ARNT2: variants seen among roughly 807,000 people sequenced by gnomAD.
ARNT2 encodes ARNT protein 2.
In ARNT2, 36 loss-of-function variants were observed where a neutral mutation model predicts 91.7. The observed-to-expected ratio is 0.39, with a 90% CI of 0.30 to 0.52. The LOEUF (loss-of-function observed/expected upper bound fraction) is 0.52, where lower values mean the gene tolerates loss of function less well. ARNT2 is among the 20% of genes least tolerant of loss of function. The pLI is 0.72. For missense variants in ARNT2, 775 were observed against 939.3 expected (o/e 0.83, Z 2.29); for synonymous variants, 365 against 347.1 (o/e 1.05, Z -0.57).
chr15:80,569,532 A>G (rs1313035229), intron 12 of ARNT2, among the ~76,000 whole-genome samples: 1 of 152,156 alleles, frequency 6.6e-6, no homozygotes, highest in African/African-American at 2.4e-5. Context: ...TCTTCCACAC[A>G]TGCTCAGCTA....
intron 1 of ARNT2, among the ~76,000 whole-genome samples, chr15:80,428,229 A>G (rs1212813237): frequency 1.3e-5 from 2 of 152,272 alleles, no homozygotes; most frequent in African/African-American, 2.4e-5. Flanking sequence ...ATGTCGATGC[A>G]CAGACCCAAA....
chr15:80,437,237 C>A (rs998876054), intron 1 of ARNT2, among the ~76,000 whole-genome samples: 1 of 152,192 alleles, frequency 6.6e-6, no homozygotes. Flanking sequence ...AGGAACTGCA[C>A]GCTCGTCAGG....
At chr15:80,567,551 G>C (rs146807424) in intron 12 of ARNT2, among the ~76,000 whole-genome samples, 1,660 of 152,308 alleles carry the variant, frequency 0.011, 33 homozygotes, top group African/African-American at 0.038. Context: ...ATCCCCAGGA[G>C]GTAGCACTGC....
At chr15:80,464,256 A>G (rs1896613752) in intron 3 of ARNT2, among the ~76,000 whole-genome samples, 1 of 149,958 alleles carries the variant, frequency 6.7e-6, no homozygotes, top group South Asian at 2.1e-4. Flanking sequence ...CTGGTAAGTC[A>G]GTGTGACCCT....
chr15:80,504,056 G>A (rs774152490), intron 5 of ARNT2, among the ~76,000 whole-genome samples: 3 of 152,186 alleles, frequency 2.0e-5, no homozygotes, highest in Admixed American at 1.3e-4. Flanking sequence ...CGAGGAAGGT[G>A]ACCATCCTCT....
intron 11 of ARNT2, among the ~76,000 whole-genome samples, chr15:80,562,670 A>G (rs143142556): frequency 9.4e-4 from 143 of 152,320 alleles, no homozygotes; most frequent in African/African-American, 3.3e-3. Context: ...AAATAAATCA[A>G]TGAATACAAT....
intron 1 of ARNT2, among the ~76,000 whole-genome samples, chr15:80,408,913 G>A (rs923609396): frequency 6.6e-6 from 1 of 151,818 alleles, no homozygotes; most frequent in Non-Finnish European, 1.5e-5. Context: ...ATTTTTAAAG[G>A]CTCCTTTTTT....
At chr15:80,486,697 G>A (rs1385798380) in intron 5 of ARNT2, among the ~76,000 whole-genome samples, 2 of 152,116 alleles carry the variant, frequency 1.3e-5, no homozygotes, top group Admixed American at 1.3e-4. Context: ...GATCAACTTG[G>A]GTGCAATGCA....
intron 1 of ARNT2, among the ~76,000 whole-genome samples, chr15:80,410,341 G>A (rs1348235225): frequency 6.6e-6 from 1 of 152,286 alleles, no homozygotes; most frequent in East Asian, 1.9e-4. Flanking sequence ...AAGAGTCAAG[G>A]ACGATTCCCA....
chr15:80,557,871 G>A (rs140192628), intron 11 of ARNT2, among the ~76,000 whole-genome samples: 74 of 152,172 alleles, frequency 4.9e-4, no homozygotes, highest in African/African-American at 1.7e-3. Context: ...CAAGCCATTC[G>A]GAAGACATAA....
chr15:80,505,924 G>GTTTTTTT lies in ARNT2; in HGVS notation c.623-2230_623-2229insTTTTTTT, dbSNP rs1486880107. Reference sequence around the variant, plus strand: ...AAAGAAAAAATGATTCCCAACATTTGTTGTTTTTTTTTTTTTTTTTTTTGA... The same window carrying GTTTTTTT: ...AAAGAAAAAATGATTCCCAACATTTGTTTTTTTTTGTTTTTTTTTTTTTTTTTTTTGA... On this transcript the variant is annotated intron_variant, in intron 5 of 18. Coordinates refer to ENST00000303329, the MANE Select transcript of ARNT2 (RefSeq NM_014862.4). Among the ~76,000 whole-genome samples, 178 of 71,114 alleles carry GTTTTTTT rather than the reference G, an allele frequency of 2.5e-3. 2 individuals are homozygous for GTTTTTTT. The highest frequency in any genetic ancestry group is 0.011 in the African/African-American group (173 of 15,174). The allele number at this position is 71,114 out of a possible 152,430, so 46.7% of individuals were successfully genotyped here.
chr15:80,536,010 C>T lies in ARNT2; in HGVS notation c.878-15189C>T, dbSNP rs181000182. On this transcript the variant is annotated intron_variant, in intron 8 of 18. Transcript: ENST00000303329. Reference sequence around the variant, plus strand: ...GTTTCTCTCTGCATGTCTGCTTTTACACCGACCCAATCCAATCACATCCTT... The same window carrying T: ...GTTTCTCTCTGCATGTCTGCTTTTATACCGACCCAATCCAATCACATCCTT... 3.8e-3 allele frequency among the ~76,000 whole-genome samples: 578 copies of T among 152,320 alleles called. 3 individuals are homozygous for T. The highest frequency in any genetic ancestry group is 6.9e-3 in the Non-Finnish European group (469 of 68,022).
intron 2 of ARNT2, among the ~76,000 whole-genome samples, chr15:80,453,179 G>C (rs192837825): frequency 6.6e-6 from 1 of 152,376 alleles, no homozygotes; most frequent in African/African-American, 2.4e-5. Context: ...CAGAGACAGA[G>C]CCTAGCATGG....
At chr15:80,462,607 G>A (rs1460018287) in intron 3 of ARNT2, among the ~76,000 whole-genome samples, 1 of 152,164 alleles carries the variant, frequency 6.6e-6, no homozygotes, top group Non-Finnish European at 1.5e-5. Context: ...CTGTTGCTGT[G>A]GATTCAGCTC....
At chr15:80,552,897 C>T (rs952656085) in intron 10 of ARNT2, 123 bp downstream of exon 10, 3 of 1,262,048 alleles carry the variant, frequency 2.4e-6, no homozygotes, top group East Asian at 4.7e-5. Context: ...GACCCATATA[C>T]CCTGCCTAGA....
rs184398547 is a variant in ARNT2, at chr15:80,493,436, C to T, written c.623-14720C>T. On this transcript the variant is annotated intron_variant, in intron 5 of 18. Transcript: ENST00000303329. ...AGCTGCAGCCGAGGCAGCCCTGTAC[C>T]TTGGTCACCATTACCTGAAGTTAGT... is the stretch of plus-strand genomic sequence containing the variant. Among the ~76,000 whole-genome samples, 17 of 152,292 alleles carry T rather than the reference C, an allele frequency of 1.1e-4. No individual in the cohort carries two copies. In the East Asian group the frequency reaches 3.3e-3, roughly 29 times the overall value.
chr15:80,468,839 G>A (rs1896694372), intron 3 of ARNT2, among the ~76,000 whole-genome samples: 1 of 152,176 alleles, frequency 6.6e-6, no homozygotes. Flanking sequence ...AAGGTTCATG[G>A]TGGATGGCTC....
Position 80,597,400 on chromosome 15 carries a change from G to T in ARNT2, c.*3702G>T. 2.3e-6 allele frequency: 1 copy of T among 441,716 alleles called. No homozygotes were observed. The highest frequency in any genetic ancestry group is 2.4e-5 in the Admixed American group (1 of 41,526). 27.4% of individuals were successfully genotyped at this position (441,716 alleles called of 1,614,324 possible). A position where few individuals can be genotyped will look rare whatever the true frequency, so the allele number is the denominator to read the frequency against. On this transcript the variant is annotated 3_prime_UTR_variant, in exon 19 of 19. Transcript: ENST00000303329. ...AGAAAATATGGGCTTGGCCTAAGTC[G>T]CTGTCTCCTAACCTGCCGGGGTCAT...
intron 8 of ARNT2, among the ~76,000 whole-genome samples, chr15:80,531,830 G>A (rs1287015311): frequency 6.6e-6 from 1 of 152,204 alleles, no homozygotes; most frequent in Non-Finnish European, 1.5e-5. Context: ...TCTTATAGAT[G>A]GAGAACCTGA....
Sources: gnomAD v4.1 joint callset for allele counts (sites outside exome capture counted in the v4.1 genomes callset) on GRCh38, gnomAD v4.1.1 for gene constraint, MANE v1.5 for transcripts, NCBI Gene and HGNC (gene_info 2026-07-23, HGNC 2026-07-21) for gene names.